Variants in NMNAT2 observed in about 807,000 individuals in gnomAD.
NMNAT2 encodes nicotinamide/nicotinic acid mononucleotide adenylyltransferase 2.
In NMNAT2, 11 loss-of-function variants were observed where a neutral mutation model predicts 41.6. That is an observed-to-expected ratio of 0.26 (90% CI 0.17 to 0.44). NMNAT2 has a LOEUF of 0.44. Among genes scored for constraint, NMNAT2 ranks in the 20% least tolerant of loss-of-function variants. NMNAT2 has a pLI of 1.00. For synonymous variants in NMNAT2, 148 were observed against 151.2 expected, an observed-to-expected ratio of 0.98 and a Z score of 0.16; for missense variants, 288 against 407.7, an observed-to-expected ratio of 0.71 and a Z score of 2.53.
intron 10 of NMNAT2, among the ~76,000 whole-genome samples, chr1:183,256,952 A>G (rs1660529232): frequency 6.6e-6 from 1 of 151,870 alleles, no homozygotes; most frequent in African/African-American, 2.4e-5. Flanking sequence ...GGGTTTAACC[A>G]TATTAGCCAG....
rs138734715 is a variant in NMNAT2 at position 183,313,339 on chromosome 1, G to A, written c.86-19546C>T. 3.9e-4 allele frequency among the ~76,000 whole-genome samples: 60 copies of A among 152,220 alleles called. 2 individuals carry two copies. The East Asian group carries it at 0.011, about 27-fold the overall frequency. Reference sequence around the variant, plus strand: ...AAGAGAGGGAGGTACCTGACTTCTGGGTATTTGGTCAACCAGCTGGACTTT... The same window carrying A: ...AAGAGAGGGAGGTACCTGACTTCTGAGTATTTGGTCAACCAGCTGGACTTT... On this transcript the variant is annotated intron_variant, in intron 1 of 10. Coordinates refer to ENST00000287713, the MANE Select transcript of NMNAT2 (RefSeq NM_015039.4).
At chr1:183,279,785 C>T (rs567492832) in intron 7 of NMNAT2, among the ~76,000 whole-genome samples, 1 of 152,314 alleles carries the variant, frequency 6.6e-6, no homozygotes, top group East Asian at 1.9e-4. Context: ...TAAGGGAGCC[C>T]CACTGAGGAC....
At chr1:183,364,507 A>C (rs1383061478) in intron 1 of NMNAT2, among the ~76,000 whole-genome samples, 2 of 152,230 alleles carry the variant, frequency 1.3e-5, no homozygotes, top group Non-Finnish European at 2.9e-5. Flanking sequence ...AGAGAAGAGA[A>C]GGCATGAAAT....
intron 1 of NMNAT2, among the ~76,000 whole-genome samples, chr1:183,335,904 T>G (rs2102341729): frequency 6.6e-6 from 1 of 152,322 alleles, no homozygotes; most frequent in Middle Eastern, 3.4e-3. Flanking sequence ...CTGGCCTATC[T>G]TTGGGCACAG....
intron 1 of NMNAT2, among the ~76,000 whole-genome samples, chr1:183,380,562 G>A (rs1177802926): frequency 3.3e-5 from 5 of 152,142 alleles, no homozygotes; most frequent in Admixed American, 6.5e-5. Flanking sequence ...ACAAACAAAT[G>A]ACTATGGGAA....
chr1:183,368,236 C>T (rs1663455549), intron 1 of NMNAT2, among the ~76,000 whole-genome samples: 1 of 152,110 alleles, frequency 6.6e-6, no homozygotes, highest in Admixed American at 6.6e-5. Flanking sequence ...GAACAGACAG[C>T]AAGTCTTAGA....
chr1:183,273,378 C>G lies in NMNAT2; in HGVS notation c.651+5175G>C, dbSNP rs1237910351. On this transcript the variant is annotated intron_variant, in intron 8 of 10. Transcript: ENST00000287713. ...CAAAGTCTGTGGTCAACAAGTATCA[C>G]TCGGGGCACCCGATAATAAAGAGAA... 3.9e-5 allele frequency among the ~76,000 whole-genome samples: 6 copies of G among 152,252 alleles called. No individual in the cohort carries two copies. The South Asian group carries it at 8.3e-4, about 21-fold the overall frequency.
chr1:183,296,076 C>CT (rs1341848162), intron 1 of NMNAT2, among the ~76,000 whole-genome samples: 1 of 152,164 alleles, frequency 6.6e-6, no homozygotes. Flanking sequence ...TCTCAAACTC[C>CT]TGACCTCAGG....
At chr1:183,390,663 A>G (rs1648455990) in intron 1 of NMNAT2, among the ~76,000 whole-genome samples, 1 of 152,224 alleles carries the variant, frequency 6.6e-6, no homozygotes, top group African/African-American at 2.4e-5. Flanking sequence ...AAACCAAAGT[A>G]GTTTTTGCTG....
At chr1:183,345,222 A>G (rs1326621231) in intron 1 of NMNAT2, among the ~76,000 whole-genome samples, 4 of 151,450 alleles carry the variant, frequency 2.6e-5, no homozygotes, top group African/African-American at 7.3e-5. Flanking sequence ...GACTCTTTTC[A>G]TCCACTACCT....
intron 1 of NMNAT2, among the ~76,000 whole-genome samples, chr1:183,371,632 A>C (rs1663546079): frequency 6.6e-6 from 1 of 152,148 alleles, no homozygotes; most frequent in African/African-American, 2.4e-5. Flanking sequence ...CTCTTAAAAA[A>C]CATTTTTTTA....
chr1:183,264,695 TGG>T (rs1255113416), intron 8 of NMNAT2, among the ~76,000 whole-genome samples: 2 of 152,104 alleles, frequency 1.3e-5, no homozygotes, highest in Admixed American at 6.5e-5. Context: ...CATGTGTGTG[TGG>T]GTTCGGGAAG....
At chr1:183,360,553 T>C (rs1373234963) in intron 1 of NMNAT2, among the ~76,000 whole-genome samples, 1 of 152,196 alleles carries the variant, frequency 6.6e-6, no homozygotes, top group Non-Finnish European at 1.5e-5. Flanking sequence ...ATCCTCCATC[T>C]AGGGAGTACC....
At chr1:183,403,450 CCA>C (rs1491516192) in intron 1 of NMNAT2, among the ~76,000 whole-genome samples, 2 of 146,116 alleles carry the variant, frequency 1.4e-5, no homozygotes, top group Admixed American at 6.8e-5. Context: ...ACCCCCCCCC[CCA>C]AAAAAAATGG....
chr1:183,253,187 C>G (rs1313724274), intron 10 of NMNAT2, among the ~76,000 whole-genome samples: 1 of 149,398 alleles, frequency 6.7e-6, no homozygotes, highest in Non-Finnish European at 1.5e-5. Flanking sequence ...GTAAGATACA[C>G]ATATATTATC....
chr1:183,277,137 G>A (rs568013233), intron 8 of NMNAT2, among the ~76,000 whole-genome samples: 10 of 152,246 alleles, frequency 6.6e-5, no homozygotes, highest in African/African-American at 1.4e-4. Flanking sequence ...CCCATGGGAC[G>A]TAGGTACTAT....
intron 7 of NMNAT2, among the ~76,000 whole-genome samples, chr1:183,281,492 A>G (rs759366000): frequency 8.5e-5 from 13 of 152,286 alleles, no homozygotes; most frequent in Non-Finnish European, 1.6e-4. Context: ...AGCCAGGGAC[A>G]CACTATCCCA....
chr1:183,415,454 A>G (rs748585777), intron 1 of NMNAT2, among the ~76,000 whole-genome samples: 3 of 152,228 alleles, frequency 2.0e-5, no homozygotes, highest in Non-Finnish European at 4.4e-5. Context: ...GGCCAGTTTA[A>G]TTCTCTTAGT....
intron 1 of NMNAT2, among the ~76,000 whole-genome samples, chr1:183,371,590 C>T (rs2101911268): frequency 6.6e-6 from 1 of 152,188 alleles, no homozygotes; most frequent in African/African-American, 2.4e-5. Flanking sequence ...ATCTCTGTGC[C>T]TTCTCTCAAT....
Sources: gnomAD v4.1 joint callset for allele counts (sites outside exome capture counted in the v4.1 genomes callset) on GRCh38, gnomAD v4.1.1 for gene constraint, MANE v1.5 for transcripts, NCBI Gene and HGNC (gene_info 2026-07-23, HGNC 2026-07-21) for gene names.